MACROD2: variants seen among roughly 807,000 people sequenced by gnomAD.
MACROD2 encodes the protein ADP-ribose glycohydrolase MACROD2.
In MACROD2, 36 loss-of-function variants were observed where a neutral mutation model predicts 70.4. The ratio of observed to expected loss-of-function variants is 0.51; its 90% CI spans 0.39 to 0.68. The LOEUF (loss-of-function observed/expected upper bound fraction) is 0.68. MACROD2 is among the 30% of genes least tolerant of loss of function. The pLI is 0.00. For missense variants in MACROD2, 496 were observed against 538.4 expected (o/e 0.92, Z 0.78); for synonymous variants, 172 against 178.8 (o/e 0.96, Z 0.30).
intron 3 of MACROD2, among the ~76,000 whole-genome samples, chr20:14,132,601 A>G (rs2054732318): frequency 1.3e-5 from 2 of 152,182 alleles, no homozygotes; most frequent in African/African-American, 4.8e-5. Flanking sequence ...TTAGGGTTCT[A>G]TTTGTATTTT....
chr20:15,371,901 T>A (rs1365084772), intron 6 of MACROD2, among the ~76,000 whole-genome samples: 1 of 152,198 alleles, frequency 6.6e-6, no homozygotes, highest in East Asian at 1.9e-4. Flanking sequence ...ATTCCTGTTT[T>A]TTACGCTTTC....
At chr20:15,718,018 CTTT>C (rs11087142) in intron 8 of MACROD2, among the ~76,000 whole-genome samples, 7 of 140,374 alleles carry the variant, frequency 5.0e-5, no homozygotes, top group Non-Finnish European at 3.1e-5. Flanking sequence ...TGTTTTCTCT[CTTT>C]TTTTTTTTTT....
intron 5 of MACROD2, among the ~76,000 whole-genome samples, chr20:14,719,892 G>C (rs2071444590): frequency 6.6e-6 from 1 of 152,166 alleles, no homozygotes; most frequent in Non-Finnish European, 1.5e-5. Context: ...AGTGGAGGGA[G>C]AAAGGATGAT....
At chr20:14,306,160 A>G (rs1444611846) in intron 3 of MACROD2, among the ~76,000 whole-genome samples, 1 of 152,064 alleles carries the variant, frequency 6.6e-6, no homozygotes, top group Non-Finnish European at 1.5e-5. Context: ...GGCACTGTTC[A>G]TTATTCATCT....
chr20:15,646,377 T>C (rs1445693350), intron 8 of MACROD2, among the ~76,000 whole-genome samples: 1 of 152,218 alleles, frequency 6.6e-6, no homozygotes. Flanking sequence ...TGATAGAGAA[T>C]GGCTAAAATG....
At chr20:14,082,933 G>A (rs2054018502) in intron 2 of MACROD2, among the ~76,000 whole-genome samples, 1 of 152,256 alleles carries the variant, frequency 6.6e-6, no homozygotes, top group South Asian at 2.1e-4. Context: ...TTGTGGCTCA[G>A]AGTCCTTGTC....
chr20:14,829,774 T>G (rs761701097), intron 5 of MACROD2, among the ~76,000 whole-genome samples: 8 of 152,166 alleles, frequency 5.3e-5, no homozygotes, highest in Non-Finnish European at 7.4e-5. Context: ...ACAGAATATA[T>G]TTTTGTTTCA....
At chr20:15,633,294 A>G (rs893324045) in intron 8 of MACROD2, among the ~76,000 whole-genome samples, 2 of 152,214 alleles carry the variant, frequency 1.3e-5, no homozygotes, top group African/African-American at 4.8e-5. Flanking sequence ...ATTTAACTCA[A>G]TTTGCTGTAT....
intron 5 of MACROD2, among the ~76,000 whole-genome samples, chr20:14,980,863 C>T (rs189890959): frequency 1.3e-5 from 2 of 152,268 alleles, no homozygotes; most frequent in African/African-American, 2.4e-5. Flanking sequence ...AATCCCTCTT[C>T]TTCTAATTCA....
chr20:14,476,179 A>C (rs1314621136), intron 3 of MACROD2, among the ~76,000 whole-genome samples: 4 of 152,162 alleles, frequency 2.6e-5, no homozygotes, highest in Non-Finnish European at 4.4e-5. Flanking sequence ...AGCAATGGTA[A>C]GTTTATTAGA....
intron 5 of MACROD2, among the ~76,000 whole-genome samples, chr20:15,015,988 G>A (rs1030864150): frequency 6.6e-6 from 1 of 152,142 alleles, no homozygotes; most frequent in South Asian, 2.1e-4. Flanking sequence ...CTATTTGACA[G>A]AAACAAACCC....
intron 5 of MACROD2, among the ~76,000 whole-genome samples, chr20:15,173,313 C>T (rs1209175030): frequency 1.3e-5 from 2 of 152,154 alleles, no homozygotes; most frequent in Non-Finnish European, 2.9e-5. Context: ...AGAACTCACT[C>T]ACTGTATGTT....
chr20:14,780,287 G>A (rs1964439241), intron 5 of MACROD2, among the ~76,000 whole-genome samples: 1 of 152,112 alleles, frequency 6.6e-6, no homozygotes, highest in Admixed American at 6.5e-5. Flanking sequence ...ACACGACTGG[G>A]CGCAGTGGCT....
In MACROD2 at chr20:14,294,385, A is replaced by C. The variant is rs959350046; in HGVS notation, c.272-199094A>C. Among the ~76,000 whole-genome samples the C allele has an allele frequency of 1.9e-4, 29 of 151,202 alleles. 1 individual carries two copies. Among genetic ancestry groups the C allele is most frequent in the African/African-American group, 7.1e-4 (29 of 40,874 alleles). Reference sequence around the variant, plus strand: ...AACCCAGAGTTTACAGCCTAATTACAATCTTCTGACAGACCTTTAGTGAGC... The same window carrying C: ...AACCCAGAGTTTACAGCCTAATTACCATCTTCTGACAGACCTTTAGTGAGC... On this transcript the variant is annotated intron_variant, in intron 3 of 17. Coordinates refer to ENST00000684519, the MANE Select transcript of MACROD2 (RefSeq NM_001351661.2).
intron 5 of MACROD2, among the ~76,000 whole-genome samples, chr20:15,021,182 G>A (rs1307242934): frequency 2.5e-5 from 3 of 122,368 alleles, no homozygotes; most frequent in Non-Finnish European, 5.2e-5. Context: ...ACATACAGGT[G>A]TGCGTATACA....
intron 5 of MACROD2, among the ~76,000 whole-genome samples, chr20:15,212,690 C>A (rs1198476629): frequency 1.3e-5 from 2 of 152,128 alleles, no homozygotes; most frequent in Non-Finnish European, 2.9e-5. Context: ...TCTTGGGTGC[C>A]AAGCTGACAC....
chr20:15,035,943 G>A (rs2075309680), intron 5 of MACROD2, among the ~76,000 whole-genome samples: 1 of 152,006 alleles, frequency 6.6e-6, no homozygotes, highest in African/African-American at 2.4e-5. Context: ...CAAAAGCCAG[G>A]CATGCCAGCT....
Position 14,954,722 on chromosome 20 carries a change from G to GAAATA in MACROD2, c.418+269763_418+269764insAAATA, listed in dbSNP as rs1600867904. 4.5e-5 allele frequency among the ~76,000 whole-genome samples: 5 copies of GAAATA among 111,250 alleles called. No individual in the cohort carries two copies. The East Asian group carries it at 1.3e-3, about 30-fold the overall frequency. The allele number at this position is 111,250 out of a possible 152,430, so 73.0% of individuals were successfully genotyped here. ...ATAAATAAATTATAAATATATAAAT[G>GAAATA]TATAAATATATAAATTATAAATTAT... On this transcript the variant is annotated intron_variant, in intron 5 of 17. Coordinates refer to ENST00000684519, the MANE Select transcript of MACROD2 (RefSeq NM_001351661.2).
intron 6 of MACROD2, among the ~76,000 whole-genome samples, chr20:15,398,007 T>G (rs73269017): frequency 0.08 from 12,143 of 152,226 alleles, 1,408 homozygotes; most frequent in African/African-American, 0.25. Context: ...GATAGCTCTT[T>G]TCAGTTTCCC....
Sources: allele counts gnomAD v4.1 joint callset (sites outside exome capture counted in the v4.1 genomes callset), GRCh38; gene constraint gnomAD v4.1.1; transcripts MANE v1.5; gene names NCBI Gene and HGNC (gene_info 2026-07-23, HGNC 2026-07-21).